Variants in MYO16 observed in about 807,000 individuals in gnomAD.
MYO16 encodes the protein myosin XVI, also known as unconventional myosin-XVI.
In MYO16, 94 loss-of-function variants were observed where a neutral mutation model predicts 205.3. The observed-to-expected ratio is 0.46, with a 90% confidence interval of 0.39 to 0.54. The LOEUF is 0.54. MYO16 is among the 20% of genes least tolerant of loss of function. The pLI is 0.00. For synonymous variants in MYO16, 988 were observed against 954.0 expected (o/e 1.04, Z -0.66); for missense variants, 2,315 against 2,387.5 (o/e 0.97, Z 0.63).
At chr13:108,859,092 C>T (rs1389170279) in intron 11 of MYO16, among the ~76,000 whole-genome samples, 1 of 152,112 alleles carries the variant, frequency 6.6e-6, no homozygotes, top group South Asian at 2.1e-4. Context: ...ATGTTTTCCT[C>T]CACAAACTTA....
At position 109,055,033 on chromosome 13, in the gene MYO16, CTTTT is replaced by C; in HGVS notation, c.3049-11_3049-8del. 1 of 1,447,148 alleles carries C rather than the reference CTTTT, an allele frequency of 6.9e-7. No homozygotes were observed. The highest frequency in any genetic ancestry group is 2.2e-5 in the Admixed American group (1 of 45,866). The allele number at this position is 1,447,148 out of a possible 1,614,324, so 89.6% of individuals were successfully genotyped here. A position where few individuals can be genotyped will look rare whatever the true frequency, so the allele number is the denominator to read the frequency against. ...CTTTTCTCCTGTCCTTCTTGTCTTT[CTTTT>C]TATTACAGTTATTAAAAAAGAAAGG... On this transcript the variant is annotated splice_polypyrimidine_tract_variant and intron_variant, in intron 25 of 34. Transcript: ENST00000457511. The surrounding 1 kb of genome is among the most constrained non-coding windows in gnomAD (Gnocchi z 5.0).
Position 108,901,579 on chromosome 13 carries a change from C to G in MYO16, c.1777+3446C>G, listed in dbSNP as rs370816481. Among the ~76,000 whole-genome samples, 223 of 152,234 alleles carry G rather than the reference C, an allele frequency of 1.5e-3. 1 individual carries two copies. In the Middle Eastern group the frequency reaches 0.034, roughly 23 times the overall value. On this transcript the variant is annotated intron_variant, in intron 15 of 34. Transcript: ENST00000457511. ...TCAGACTTGCGTAGGGTTTATTTTT[C>G]TCTTATGGAAATGGCAATCAGGGCA...
At chr13:108,786,911 T>G (rs1276713772) in intron 5 of MYO16, among the ~76,000 whole-genome samples, 1 of 152,230 alleles carries the variant, frequency 6.6e-6, no homozygotes. Context: ...CAAGTCTTGT[T>G]AGCTGTGCCT....
intron 2 of MYO16, among the ~76,000 whole-genome samples, chr13:108,690,853 C>T (rs1199017280): frequency 6.6e-6 from 1 of 152,068 alleles, no homozygotes; most frequent in Non-Finnish European, 1.5e-5. Flanking sequence ...AAGACACATT[C>T]CAAAAGGTAT....
chr13:108,574,209 G>T, the MYO16 span, among the ~76,000 whole-genome samples: 1 of 152,092 alleles, frequency 6.6e-6, no homozygotes, highest in African/African-American at 2.4e-5. Flanking sequence ...CAGCTGGCTG[G>T]GCTTGCTAAT....
Position 109,147,447 on chromosome 13 carries a change from G to A in MYO16, c.5164+6071G>A, listed in dbSNP as rs370795477. Among the ~76,000 whole-genome samples, 30 of 152,296 alleles carry A rather than the reference G, an allele frequency of 2.0e-4. No individual in the cohort carries two copies. In the East Asian group the frequency reaches 3.3e-3, roughly 17 times the overall value. On this transcript the variant is annotated intron_variant, in intron 32 of 34. Coordinates refer to ENST00000457511, the MANE Select transcript of MYO16 (RefSeq NM_001198950.3). The stretch of plus-strand genomic sequence containing the variant: ...TTCTCTGCTCCTGATGTTTGAAACA[G>A]AAGTTCCAACATTATCGTCATTTAT...
intron 32 of MYO16, among the ~76,000 whole-genome samples, chr13:109,160,823 T>C (rs185239049): frequency 6.6e-6 from 1 of 152,352 alleles, no homozygotes; most frequent in East Asian, 1.9e-4. Flanking sequence ...ATGCATCATG[T>C]ATATGCACTT....
chr13:108,767,745 CCCTT>C (rs1885830154), intron 4 of MYO16, among the ~76,000 whole-genome samples: 1 of 152,272 alleles, frequency 6.6e-6, no homozygotes, highest in East Asian at 1.9e-4. Flanking sequence ...TTTCCAGTCT[CCCTT>C]CCTATTTTAT....
intron 4 of MYO16, among the ~76,000 whole-genome samples, chr13:108,778,960 G>A (rs539650783): frequency 2.0e-5 from 3 of 152,296 alleles, no homozygotes; most frequent in Non-Finnish European, 4.4e-5. Context: ...CTGCACTCGT[G>A]GGGGGATGCC....
chr13:108,508,253 G>A, the MYO16 span, among the ~76,000 whole-genome samples: 19 of 144,946 alleles, frequency 1.3e-4, no homozygotes, highest in Non-Finnish European at 1.4e-4. Flanking sequence ...TTGGGCATTT[G>A]AAAAAAAAAA....
At chr13:108,691,049 C>A (rs1450667758) in intron 2 of MYO16, among the ~76,000 whole-genome samples, 2 of 152,132 alleles carry the variant, frequency 1.3e-5, no homozygotes, top group Non-Finnish European at 2.9e-5. Flanking sequence ...TTTAACACAG[C>A]AAGAGATTAA....
intron 16 of MYO16, among the ~76,000 whole-genome samples, chr13:108,949,117 A>G (rs1566427492): frequency 6.6e-6 from 1 of 152,248 alleles, no homozygotes; most frequent in African/African-American, 2.4e-5. Context: ...CGAATTTTAT[A>G]CAATTGTAAC....
intron 4 of MYO16, among the ~76,000 whole-genome samples, chr13:108,772,146 A>G (rs78941445): frequency 0.08 from 12,125 of 152,164 alleles, 620 homozygotes; most frequent in Non-Finnish European, 0.12. Context: ...CCCACAAATT[A>G]GAGACAAGCC....
upstream of MYO16, among the ~76,000 whole-genome samples, chr13:108,625,356 G>T (rs994051684): frequency 1.3e-5 from 2 of 152,146 alleles, no homozygotes; most frequent in African/African-American, 4.8e-5. Context: ...AGTCATTCAA[G>T]GTAGGCTTGA....
chr13:109,033,342 G>A (rs2139561227), intron 23 of MYO16, among the ~76,000 whole-genome samples: 1 of 152,274 alleles, frequency 6.6e-6, no homozygotes, highest in South Asian at 2.1e-4. Context: ...TTCTCCTACA[G>A]TGGACGATTC....
At chr13:109,200,216 G>A (rs1886086) in intron 34 of MYO16, among the ~76,000 whole-genome samples, 150,809 of 152,300 alleles carry the variant, frequency 0.99, 74,685 homozygotes, top group Middle Eastern at 1. Flanking sequence ...TCATTATAAC[G>A]TAACCTATGA....
intron 2 of MYO16, among the ~76,000 whole-genome samples, chr13:108,692,424 C>T (rs1882933875): frequency 6.6e-6 from 1 of 152,188 alleles, no homozygotes; most frequent in South Asian, 2.1e-4. Flanking sequence ...CATGCGAGGA[C>T]ATCAAATACT....
At chr13:109,121,191 A>C (rs185413979) in intron 29 of MYO16, among the ~76,000 whole-genome samples, 1 of 152,310 alleles carries the variant, frequency 6.6e-6, no homozygotes, top group Non-Finnish European at 1.5e-5. Flanking sequence ...TCTAAGTTAA[A>C]ACATCCTTCT....
intron 16 of MYO16, 45 bp downstream of exon 16, chr13:108,910,195 T>A: frequency 1.9e-6 from 3 of 1,564,966 alleles, no homozygotes; most frequent in Non-Finnish European, 2.6e-6. Context: ...GCCTTCAAAT[T>A]GTGATTGCAA....
Sources: gnomAD v4.1 joint callset for allele counts (sites outside exome capture counted in the v4.1 genomes callset) on GRCh38, gnomAD v4.1.1 for gene constraint, Gnocchi (gnomAD v3.1) non-coding constraint, MANE v1.5 for transcripts, NCBI Gene and HGNC (gene_info 2026-07-23, HGNC 2026-07-21) for gene names.